The following TRIM42 variants were observed in gnomAD, a reference collection of about 807,000 sequenced individuals.
TRIM42 encodes the protein tripartite motif containing 42, also known as tripartite motif-containing protein 42.
Under a neutral mutation model 64.9 loss-of-function variants are expected in TRIM42, and 59 were observed. The ratio of observed to expected loss-of-function variants is 0.91; its 90% CI spans 0.74 to 1.13. The LOEUF (loss-of-function observed/expected upper bound fraction) is 1.13, where lower values mean the gene tolerates loss of function less well. Ranked by LOEUF, TRIM42 falls within the 50% of genes most tolerant of loss-of-function variation. The pLI is 0.00. For missense variants in TRIM42, 878 were observed against 929.5 expected (o/e 0.94, Z 0.72); for synonymous variants, 354 against 346.3 (o/e 1.02, Z -0.25).
chr3:140,681,041 G>A (rs1184224352), intron 1 of TRIM42, among the ~76,000 whole-genome samples: 1 of 152,218 alleles, frequency 6.6e-6, no homozygotes, highest in Non-Finnish European at 1.5e-5. Flanking sequence ...CATTCCCACA[G>A]CTATTTCATT....
intron 4 of TRIM42, among the ~76,000 whole-genome samples, chr3:140,693,558 ATGACATTTATAAAG>A (rs1988775467): frequency 1.3e-5 from 2 of 152,230 alleles, no homozygotes; most frequent in South Asian, 4.1e-4. Flanking sequence ...GTGTGTTTGA[ATGACATTTATAAAG>A]TTTCATAAAA....
At chr3:140,693,588 G>A (rs1398427356) in intron 4 of TRIM42, among the ~76,000 whole-genome samples, 1 of 152,160 alleles carries the variant, frequency 6.6e-6, no homozygotes, top group African/African-American at 2.4e-5. Flanking sequence ...TAAAAGTAAT[G>A]ACTTCATTTC....
At chr3:140,678,592 TG>T (rs752256743) in intron 1 of TRIM42, 22 bp downstream of exon 1, 10 of 1,594,464 alleles carry the variant, frequency 6.3e-6, no homozygotes, top group African/African-American at 5.4e-5. Context: ...GCACCAGATG[TG>T]GGGCCGCATT....
At chr3:140,690,451 T>G (rs1184015416) in intron 3 of TRIM42, among the ~76,000 whole-genome samples, 2 of 149,860 alleles carry the variant, frequency 1.3e-5, no homozygotes, top group Non-Finnish European at 3.0e-5. Flanking sequence ...GGTAGTTTAC[T>G]GAATTTTTAA....
At chr3:140,700,315 C>T (rs1252101021) in intron 4 of TRIM42, among the ~76,000 whole-genome samples, 1 of 152,144 alleles carries the variant, frequency 6.6e-6, no homozygotes, top group Non-Finnish European at 1.5e-5. Context: ...TTTCTGCTAG[C>T]ATCAAAGGAA....
intron 4 of TRIM42, among the ~76,000 whole-genome samples, chr3:140,692,639 C>A (rs1988752482): frequency 6.6e-6 from 1 of 151,922 alleles, no homozygotes; most frequent in Non-Finnish European, 1.5e-5. Flanking sequence ...GCCTGCTAGC[C>A]ACTCCTCCTG....
intron 2 of TRIM42, among the ~76,000 whole-genome samples, chr3:140,685,314 T>C (rs58602051): frequency 0.45 from 68,638 of 152,096 alleles, 16,919 homozygotes; most frequent in Non-Finnish European, 0.56. Context: ...CCCATCCACA[T>C]AGAGGTGCAG....
intron 4 of TRIM42, among the ~76,000 whole-genome samples, chr3:140,697,363 AT>A (rs1303655686): frequency 6.6e-6 from 1 of 152,068 alleles, no homozygotes; most frequent in East Asian, 1.9e-4. Flanking sequence ...ATCATCAATT[AT>A]TTTTTCTTTA....
In TRIM42 at chr3:140,687,833, G is replaced by T. The variant is rs369004181; in HGVS notation, c.1151G>T (p.Arg384Leu). Residue 384 changes from arginine to leucine, a missense_variant, in exon 3 of 5, where the codon CGC (arginine) becomes CTC (leucine). Physicochemically the swap from Arg to Leu is moderately radical, Grantham distance 102. Coordinates refer to ENST00000286349, the MANE Select transcript of TRIM42 (RefSeq NM_152616.5). ...ATCAGAAATGGCTTTCTCAAGTTGC[G>T]CAGCATTCTTCAGGAGAAAGAGAAG... ...KEIRNGFLKL[R>L]SILQEKEKII... 4.3e-6 allele frequency: 7 copies of T among 1,614,062 alleles called. No homozygotes were observed. Among genetic ancestry groups the T allele is most frequent in the African/African-American group, 2.7e-5 (2 of 74,928 alleles).
chr3:140,685,414 G>C (rs1475240237), intron 2 of TRIM42, among the ~76,000 whole-genome samples: 2 of 152,214 alleles, frequency 1.3e-5, no homozygotes, highest in Non-Finnish European at 2.9e-5. Flanking sequence ...GAGCTCAAAA[G>C]TTTAGGTCCC....
At chr3:140,684,000 G>C (rs1348039438) in intron 2 of TRIM42, among the ~76,000 whole-genome samples, 1 of 152,146 alleles carries the variant, frequency 6.6e-6, no homozygotes, top group African/African-American at 2.4e-5. Context: ...ATTCAACAAA[G>C]AGCCCCATAA....
Position 140,688,124 on chromosome 3 carries a change from A to G in TRIM42, c.1442A>G (p.Glu481Gly). The G allele has an allele frequency of 6.2e-7, 1 of 1,613,982 alleles. No individual in the cohort carries two copies. ...AACTACGTGCCCTTGGACTTTGTTG[A>G]GCTTTCCAGTGCCATCCATGAGCTC... is the stretch of plus-strand genomic sequence containing the variant. ...SINYVPLDFVELSSAIHELFP... is the reference protein window; with the variant it reads ...SINYVPLDFVGLSSAIHELFP... Residue 481 changes from glutamate (E) to glycine (G), a missense_variant, in exon 3 of 5, where the codon GAG becomes GGG. Transcript: ENST00000286349.
rs1244689856 is a variant in TRIM42, at chr3:140,700,927, T to C, written c.2125T>C (p.Trp709Arg). The change falls in exon 5 of 5, where the codon TGG becomes CGG. Residue 709 changes from tryptophan (W) to arginine (R), a missense_variant. Coordinates refer to ENST00000286349, the MANE Select transcript of TRIM42 (RefSeq NM_152616.5). ...TGGACATGGGAAGAACCGAGCTAAG[T>C]GGGGCCTGCTGAAGAATATCCAGTC... ...PDGHGKNRAK[W>R]GLLKNIQSAL... 1.2e-6 allele frequency: 2 copies of C among 1,614,098 alleles called. No individual in the cohort carries two copies.
Position 140,682,503 on chromosome 3 carries a change from T to C in TRIM42, c.383T>C (p.Val128Ala). ...ALRTGSSDTQVDEVKSIPANS... is the reference protein window; with the variant it reads ...ALRTGSSDTQADEVKSIPANS... ...CGCACTGGGAGCAGCGATACCCAGGTGGATGAAGTAAAGTCAATACCAGCC... is the reference window on the plus strand; with the variant it reads ...CGCACTGGGAGCAGCGATACCCAGGCGGATGAAGTAAAGTCAATACCAGCC... Residue 128 changes from valine (V) to alanine (A), a missense_variant, in exon 2 of 5, where the codon GTG (valine) becomes GCG (alanine). Transcript: ENST00000286349. The C allele has an allele frequency of 1.9e-6, 3 of 1,614,114 alleles. 1 individual carries two copies. Among genetic ancestry groups the C allele is most frequent in the East Asian group, 4.5e-5 (2 of 44,870 alleles).
rs767358573 is a variant in TRIM42, at chr3:140,678,423, G to A, written c.194G>A (p.Trp65Ter). 2.5e-6 allele frequency: 4 copies of A among 1,614,052 alleles called. No homozygotes were observed. In the African/African-American group the frequency reaches 4.0e-5, roughly 16 times the overall value. The change falls in exon 1 of 5, where the codon TGG (tryptophan) becomes TAG (stop). Residue 65 changes from tryptophan (W) to a stop codon, truncating the protein, a stop_gained. Transcript: ENST00000286349. LOFTEE classifies it high-confidence loss of function. ...CTCSESPNCHWCCCSWANDPN... is the reference protein window; with the variant it reads ...CTCSESPNCH ...TGTTCTGAGAGCCCCAACTGCCATT[G>A]GTGTTGCTGCTCTTGGGCCAATGAT... is the stretch of plus-strand genomic sequence containing the variant.
At chr3:140,692,428 C>A (rs553748134) in intron 4 of TRIM42, among the ~76,000 whole-genome samples, 108 of 151,806 alleles carry the variant, frequency 7.1e-4, no homozygotes, top group Non-Finnish European at 1.1e-3. Context: ...ATACCAATAG[C>A]AAATCTCCTA....
chr3:140,692,570 G>GAC (rs1988749435), intron 4 of TRIM42, among the ~76,000 whole-genome samples: 31 of 59,122 alleles, frequency 5.2e-4, no homozygotes, highest in African/African-American at 1.4e-3. Flanking sequence ...CACAGAGAGA[G>GAC]ATAGAGAGAG....
chr3:140,698,564 T>A (rs1360432872), intron 4 of TRIM42, among the ~76,000 whole-genome samples: 1 of 152,208 alleles, frequency 6.6e-6, no homozygotes, highest in African/African-American at 2.4e-5. Context: ...CTGTAGTAAT[T>A]ATTTTACTTT....
chr3:140,682,645 G>T lies in TRIM42; in HGVS notation c.525G>T (p.Lys175Asn), dbSNP rs574747515. The T allele has an allele frequency of 6.2e-7, 1 of 1,613,814 alleles. No individual in the cohort carries two copies. Among genetic ancestry groups the T allele is most frequent in the East Asian group, 2.2e-5 (1 of 44,872 alleles). The stretch of plus-strand genomic sequence containing the variant: ...AGAAGTGCCTGCGGCAGCTGCAGAA[G>T]CACGCCGAGGTCACCGAGAACTTCT... ...LCEKCLRQLQ[K>N]HAEVTENFFI... Residue 175 changes from lysine (K) to asparagine (N), a missense_variant, in exon 2 of 5, where the codon AAG becomes AAT. Coordinates refer to ENST00000286349, the MANE Select transcript of TRIM42 (RefSeq NM_152616.5).
Sources: allele counts gnomAD v4.1 joint callset (sites outside exome capture counted in the v4.1 genomes callset), GRCh38; gene constraint gnomAD v4.1.1; transcripts MANE v1.5; gene names NCBI Gene and HGNC (gene_info 2026-07-23, HGNC 2026-07-21).